The following TSGA10 variants were observed in gnomAD, a reference collection of about 807,000 sequenced individuals.
TSGA10 encodes testis specific 10, also known as testis-specific gene 10 protein.
TSGA10 carries 43 observed loss-of-function variants against 96.6 expected under a neutral mutation model. That is an observed-to-expected ratio of 0.44 (90% confidence interval 0.35 to 0.57). The LOEUF (loss-of-function observed/expected upper bound fraction) is 0.57. Among genes scored for constraint, TSGA10 ranks in the 20% least tolerant of loss-of-function variants. TSGA10 has a pLI of 0.01. For synonymous variants in TSGA10, 229 were observed against 269.9 expected, an observed-to-expected ratio of 0.85 and a Z score of 1.48; for missense variants, 703 against 834.4, an observed-to-expected ratio of 0.84 and a Z score of 1.94.
intron 16 of TSGA10, among the ~76,000 whole-genome samples, chr2:99,059,913 C>CAAAAAAA (rs35460548): frequency 1.8e-5 from 1 of 54,456 alleles, no homozygotes; most frequent in Non-Finnish European, 3.9e-5. Context: ...GACCCCATCT[C>CAAAAAAA]AAAAAAAAAA....
intron 16 of TSGA10, among the ~76,000 whole-genome samples, chr2:99,038,327 T>A (rs1488465775): frequency 6.6e-6 from 1 of 152,146 alleles, no homozygotes; most frequent in Non-Finnish European, 1.5e-5. Context: ...TGAATGTAAA[T>A]GGTCTAAATG....
intron 10 of TSGA10, among the ~76,000 whole-genome samples, chr2:99,087,201 C>A (rs1420780698): frequency 6.7e-6 from 1 of 149,602 alleles, no homozygotes; most frequent in Non-Finnish European, 1.5e-5. Flanking sequence ...AACACTCCGT[C>A]TCAAAAAAAA....
Position 99,150,181 on chromosome 2 carries a change from C to T in TSGA10, c.-621+4512G>A, listed in dbSNP as rs549023425. Among the ~76,000 whole-genome samples the T allele has an allele frequency of 3.9e-5, 6 of 152,242 alleles. No individual in the cohort carries two copies. The South Asian group carries it at 1.0e-3, about 26-fold the overall frequency. The stretch of plus-strand genomic sequence containing the variant: ...TGGCCTTCAGTCGTTATTTCTTTAG[C>T]CCATTAGTAATGAATAAAGAGGTTT... On this transcript the variant is annotated intron_variant, in intron 1 of 20. Transcript: ENST00000393483.
intron 10 of TSGA10, among the ~76,000 whole-genome samples, chr2:99,100,747 G>A (rs1183974854): frequency 6.8e-6 from 1 of 147,896 alleles, no homozygotes. Flanking sequence ...GTGAACCCCG[G>A]AGGCAGAGCT....
At chr2:99,017,224 A>G (rs2079585909) in intron 20 of TSGA10, among the ~76,000 whole-genome samples, 2 of 152,234 alleles carry the variant, frequency 1.3e-5, no homozygotes, top group Non-Finnish European at 2.9e-5. Flanking sequence ...TAGCAGCATA[A>G]TTTGCAATTG....
intron 16 of TSGA10, 144 bp downstream of exon 16, chr2:99,064,795 T>C: frequency 3.4e-6 from 2 of 586,354 alleles, no homozygotes; most frequent in South Asian, 7.8e-5. Flanking sequence ...AATCAAAGTA[T>C]AAGGAGAATG....
At chr2:99,071,644 G>A in intron 14 of TSGA10, 62 bp downstream of exon 14, 2 of 1,515,452 alleles carry the variant, frequency 1.3e-6, no homozygotes, top group Non-Finnish European at 9.0e-7. Flanking sequence ...AATGAGGGCT[G>A]TTCCTCACAA....
At chr2:99,061,787 C>T (rs561515629) in intron 16 of TSGA10, among the ~76,000 whole-genome samples, 1 of 152,298 alleles carries the variant, frequency 6.6e-6, no homozygotes, top group African/African-American at 2.4e-5. Flanking sequence ...TGAACCCTAA[C>T]CCCCTAGTGT....
At chr2:99,083,960 A>G (rs2087894650) in intron 10 of TSGA10, among the ~76,000 whole-genome samples, 1 of 152,226 alleles carries the variant, frequency 6.6e-6, no homozygotes, top group Admixed American at 6.5e-5. Context: ...ACCAATGTCA[A>G]TTTTCTGGCT....
intron 1 of TSGA10, among the ~76,000 whole-genome samples, chr2:99,144,453 A>G (rs761971615): frequency 9.9e-5 from 15 of 151,980 alleles, no homozygotes; most frequent in Non-Finnish European, 1.8e-4. Context: ...CTGTTGTCCA[A>G]TATCTAAAAG....
In TSGA10 at chr2:99,036,876, G is replaced by A. The variant is rs193040307; in HGVS notation, c.1405-1437C>T. Among the ~76,000 whole-genome samples, 569 of 152,178 alleles carry A rather than the reference G, an allele frequency of 3.7e-3. 2 individuals are homozygous for A. Among genetic ancestry groups the A allele is most frequent in the African/African-American group, 0.013 (548 of 41,532 alleles). On this transcript the variant is annotated intron_variant, in intron 16 of 20. Coordinates refer to ENST00000393483, the MANE Select transcript of TSGA10 (RefSeq NM_025244.4). ...AAAGGAAAATTATCAGTAATAAAGA[G>A]AGGGCATGACATAATGATTGTAAAA...
chr2:99,136,660 G>C (rs1278385894), intron 1 of TSGA10, among the ~76,000 whole-genome samples: 1 of 70,498 alleles, frequency 1.4e-5, no homozygotes, highest in African/African-American at 3.9e-5. Flanking sequence ...TTAGCCGGGC[G>C]TAGTGGCGGG....
intron 2 of TSGA10, 82 bp from the exon 3 acceptor site, chr2:99,118,768 G>GT: frequency 4.9e-6 from 3 of 608,646 alleles, no homozygotes; most frequent in Non-Finnish European, 6.2e-6. Flanking sequence ...ACAAAGATAG[G>GT]TTAGATACCT....
intron 1 of TSGA10, among the ~76,000 whole-genome samples, chr2:99,134,782 G>T (rs1395523955): frequency 6.6e-6 from 1 of 152,086 alleles, no homozygotes; most frequent in African/African-American, 2.4e-5. Context: ...CTGTGTGGAC[G>T]TCATTTTTGT....
chr2:99,154,473 T>C (rs1183999660), intron 1 of TSGA10: 1 of 153,224 alleles, frequency 6.5e-6, no homozygotes, highest in Non-Finnish European at 1.5e-5. Flanking sequence ...CTTTCAAAGC[T>C]GACTTGAATT....
intron 10 of TSGA10, among the ~76,000 whole-genome samples, chr2:99,096,579 C>T (rs763759951): frequency 2.6e-4 from 40 of 152,212 alleles, no homozygotes; most frequent in Admixed American, 5.9e-4. Flanking sequence ...ATTCCCTTTA[C>T]ATTTGACTCA....
In TSGA10 at chr2:99,071,688, T is replaced by C. The variant is rs769578872; in HGVS notation, c.1107+18A>G. 3.1e-6 allele frequency: 5 copies of C among 1,590,832 alleles called. No individual in the cohort carries two copies. Among genetic ancestry groups the C allele is most frequent in the Non-Finnish European group, 4.3e-6 (5 of 1,170,412 alleles). On this transcript the variant is annotated intron_variant, in intron 14 of 20. Transcript: ENST00000393483. ...TATTTTTTTTTCTTGGAGAAAATGA[T>C]TCTAGGAACAAGTGTACCTGGTTTT...
At chr2:99,090,091 C>T (rs1016851076) in intron 10 of TSGA10, among the ~76,000 whole-genome samples, 1 of 152,180 alleles carries the variant, frequency 6.6e-6, no homozygotes, top group African/African-American at 2.4e-5. Flanking sequence ...TCACAGGACT[C>T]TGTACAAACA....
At chr2:99,042,764 C>T (rs866692846) in intron 16 of TSGA10, among the ~76,000 whole-genome samples, 7 of 150,764 alleles carry the variant, frequency 4.6e-5, no homozygotes, top group Non-Finnish European at 1.0e-4. Context: ...AGTGTAGTGG[C>T]GTGATCTCAG....
Sources: allele counts gnomAD v4.1 joint callset (sites outside exome capture counted in the v4.1 genomes callset), GRCh38; gene constraint gnomAD v4.1.1; transcripts MANE v1.5; gene names NCBI Gene and HGNC (gene_info 2026-07-23, HGNC 2026-07-21).